The following THSD7B variants were observed in gnomAD, a reference collection of about 807,000 sequenced individuals.
THSD7B encodes the protein thrombospondin type 1 domain containing 7B.
THSD7B carries 138 observed loss-of-function variants against 213.6 expected under a neutral mutation model. The observed-to-expected ratio is 0.65, with a 90% confidence interval of 0.56 to 0.74. The LOEUF (loss-of-function observed/expected upper bound fraction) is 0.74. Ranked by LOEUF, THSD7B falls within the 30% of genes least tolerant of loss-of-function variation. THSD7B has a pLI of 0.00. For synonymous variants in THSD7B, 742 were observed against 687.0 expected, an observed-to-expected ratio of 1.08 and a Z score of -1.25; for missense variants, 1,931 against 1,991.5, an observed-to-expected ratio of 0.97 and a Z score of 0.58.
chr2:137,589,516 G>A (rs1681818744), intron 17 of THSD7B, among the ~76,000 whole-genome samples: 3 of 152,050 alleles, frequency 2.0e-5, no homozygotes, highest in African/African-American at 7.2e-5. Context: ...TTATATTTAG[G>A]CATTGCTATT....
At chr2:137,222,130 T>A (rs1681385303) in intron 7 of THSD7B, among the ~76,000 whole-genome samples, 1 of 152,226 alleles carries the variant, frequency 6.6e-6, no homozygotes, top group Admixed American at 6.5e-5. Context: ...GAAAACCACA[T>A]TATGTATAAA....
At chr2:137,596,811 T>TA (rs1681969751) in intron 17 of THSD7B, among the ~76,000 whole-genome samples, 1 of 151,994 alleles carries the variant, frequency 6.6e-6, no homozygotes, top group Non-Finnish European at 1.5e-5. Context: ...AGTAACAGAA[T>TA]ATAGTTTGAT....
intron 16 of THSD7B, among the ~76,000 whole-genome samples, chr2:137,568,236 T>G (rs921657705): frequency 2.6e-5 from 4 of 151,810 alleles, no homozygotes; most frequent in Non-Finnish European, 5.9e-5. Context: ...GAAGTGGAGA[T>G]AGCAAATATA....
chr2:137,277,263 A>G (rs529812114), intron 12 of THSD7B, among the ~76,000 whole-genome samples: 1 of 152,082 alleles, frequency 6.6e-6, no homozygotes. Context: ...ATCACATAAA[A>G]GCAAGATATT....
chr2:137,283,209 T>C (rs924203322), intron 12 of THSD7B, among the ~76,000 whole-genome samples: 8 of 152,172 alleles, frequency 5.3e-5, no homozygotes, highest in Non-Finnish European at 1.2e-4. Context: ...TCTCTGTTTG[T>C]CTATTATTGG....
chr2:137,480,995 G>A (rs979460), intron 15 of THSD7B, among the ~76,000 whole-genome samples: 103,285 of 151,998 alleles, frequency 0.68, 36,981 homozygotes, highest in Non-Finnish European at 0.8. Context: ...TGGGGTGGGG[G>A]TGAGTTCACC....
chr2:137,128,779 A>T (rs377012115), intron 5 of THSD7B, among the ~76,000 whole-genome samples: 1 of 152,190 alleles, frequency 6.6e-6, no homozygotes, highest in African/African-American at 2.4e-5. Context: ...CTTTTTACTG[A>T]CACTAATTTA....
chr2:137,623,506 G>T (rs929531005), intron 20 of THSD7B, among the ~76,000 whole-genome samples: 2 of 152,096 alleles, frequency 1.3e-5, no homozygotes, highest in Admixed American at 1.3e-4. Flanking sequence ...AAGAAATAAA[G>T]GGTATTCAAT....
At chr2:137,407,208 C>G (rs1686544809) in intron 13 of THSD7B, among the ~76,000 whole-genome samples, 1 of 151,968 alleles carries the variant, frequency 6.6e-6, no homozygotes, top group African/African-American at 2.4e-5. Flanking sequence ...ATTGTTGAAA[C>G]TCTAATGAAT....
At chr2:137,249,579 A>G (rs895052217) in intron 10 of THSD7B, among the ~76,000 whole-genome samples, 8 of 152,194 alleles carry the variant, frequency 5.3e-5, no homozygotes, top group African/African-American at 1.9e-4. Context: ...CCTGAAATCT[A>G]CAGTATAGTC....
At chr2:137,163,342 A>G (rs71419520) in intron 6 of THSD7B, among the ~76,000 whole-genome samples, 7,022 of 152,286 alleles carry the variant, frequency 0.046, 202 homozygotes, top group Admixed American at 0.069. Context: ...TTCAGAAGTA[A>G]TGAAGTTAAG....
intron 12 of THSD7B, among the ~76,000 whole-genome samples, chr2:137,356,517 A>G (rs757333409): frequency 2.0e-5 from 3 of 152,176 alleles, no homozygotes; most frequent in Admixed American, 6.5e-5. Flanking sequence ...TCCAGTATTT[A>G]TGCCGTTGAT....
chr2:137,110,770 T>C (rs899740576), intron 4 of THSD7B, among the ~76,000 whole-genome samples: 2 of 152,262 alleles, frequency 1.3e-5, no homozygotes, highest in Non-Finnish European at 2.9e-5. Flanking sequence ...CTCCATAACA[T>C]TTCTGTCAGT....
chr2:136,806,276 G>A (rs997766567), intron 1 of THSD7B, among the ~76,000 whole-genome samples: 1 of 152,182 alleles, frequency 6.6e-6, no homozygotes, highest in African/African-American at 2.4e-5. Flanking sequence ...GCGGGCTCTG[G>A]AGTCAGCAAA....
intron 7 of THSD7B, among the ~76,000 whole-genome samples, chr2:137,173,304 C>G (rs112229728): frequency 0.011 from 1,679 of 152,282 alleles, 36 homozygotes; most frequent in African/African-American, 0.038. Flanking sequence ...TTCTTCCTCC[C>G]CAGCTCCAGC....
chr2:137,498,450 C>T (rs1216502471), intron 15 of THSD7B, among the ~76,000 whole-genome samples: 1 of 151,948 alleles, frequency 6.6e-6, no homozygotes, highest in Non-Finnish European at 1.5e-5. Context: ...ATTCCCTATC[C>T]TTAAATGAAA....
chr2:137,229,545 C>T (rs1399401844), intron 7 of THSD7B, among the ~76,000 whole-genome samples: 1 of 152,138 alleles, frequency 6.6e-6, no homozygotes, highest in South Asian at 2.1e-4. Context: ...CAAATATGAA[C>T]GCAGATATTA....
At chr2:137,028,915 A>G (rs932480115) in intron 2 of THSD7B, among the ~76,000 whole-genome samples, 4 of 152,190 alleles carry the variant, frequency 2.6e-5, no homozygotes, top group Admixed American at 2.0e-4. Context: ...AGACGTACCT[A>G]TAAATGTTTC....
chr2:136,765,997 G>C (rs748690100), intron 1 of THSD7B, among the ~76,000 whole-genome samples: 46 of 152,320 alleles, frequency 3.0e-4, no homozygotes, highest in Admixed American at 1.2e-3. Context: ...CAACGGGACC[G>C]AACCTTGGGA....
Sources: allele counts gnomAD v4.1 joint callset (sites outside exome capture counted in the v4.1 genomes callset), GRCh38; gene constraint gnomAD v4.1.1; transcripts MANE v1.5; gene names NCBI Gene and HGNC (gene_info 2026-07-23, HGNC 2026-07-21).